Variants in LRFN4 observed in about 807,000 individuals in gnomAD.
The protein encoded by LRFN4 is leucine-rich repeat and fibronectin type-III domain-containing protein 4.
In LRFN4, 10 loss-of-function variants were observed where a neutral mutation model predicts 29.0. The observed-to-expected ratio is 0.35, with a 90% CI of 0.21 to 0.59. The LOEUF is 0.59. LRFN4 is among the 20% of genes least tolerant of loss of function. The pLI is 0.82. For missense variants in LRFN4, 850 were observed against 907.9 expected (o/e 0.94, Z 0.82); for synonymous variants, 493 against 437.0 (o/e 1.13, Z -1.60).
rs202213608 is a variant in LRFN4, at chr11:66,858,321, G to T, written c.577G>T (p.Gly193Cys). The change falls in exon 1 of 2, where the codon GGT (glycine) becomes TGT (cysteine). Residue 193 changes from glycine (G) to cysteine (C), a missense_variant. By Grantham distance (159) the Gly-to-Cys change is radical. Coordinates refer to ENST00000309602, the MANE Select transcript of LRFN4 (RefSeq NM_024036.5). This position sits in a 1 kb window ranked among gnomAD's most constrained non-coding sequence, Gnocchi z 5.9. ...GCCCCCAGGCGCCTTCGCCCAGCTC[G>T]GTCAGCTCTCCCGCCTGGACCTCAC... ...ALPPGAFAQL[G>C]QLSRLDLTSN... 2 of 1,608,066 alleles carry T rather than the reference G, an allele frequency of 1.2e-6. No homozygotes were observed. The highest frequency in any genetic ancestry group is 8.5e-7 in the Non-Finnish European group (1 of 1,178,974).
chr11:66,860,389 A>G lies in LRFN4; in HGVS notation c.*194A>G. Reference sequence around the variant, plus strand: ...CAGGGTAAGGGCAGGCCCCTCCAACAGGTGCTCACAGCCACCGAGGCAGGG... The same window carrying G: ...CAGGGTAAGGGCAGGCCCCTCCAACGGGTGCTCACAGCCACCGAGGCAGGG... On this transcript the variant is annotated 3_prime_UTR_variant, in exon 2 of 2. Transcript: ENST00000309602. 2.5e-6 allele frequency: 2 copies of G among 789,152 alleles called. No homozygotes were observed. The highest frequency in any genetic ancestry group is 1.7e-5 in the African/African-American group (1 of 58,964). The allele number at this position is 789,152 out of a possible 1,614,324, so 48.9% of individuals were successfully genotyped here.
At chr11:66,859,445 G>C (rs764969882) in intron 1 of LRFN4, among the ~76,000 whole-genome samples, 192 bp from the exon 2 acceptor site, 14 of 152,168 alleles carry the variant, frequency 9.2e-5, no homozygotes, top group Non-Finnish European at 1.9e-4. Flanking sequence ...CCCCTCGCTT[G>C]CCTGCGTCCT....
At chr11:66,859,170 TC>T in intron 1 of LRFN4, 77 bp downstream of exon 1, 1 of 1,428,194 alleles carries the variant, frequency 7.0e-7, no homozygotes, top group Non-Finnish European at 9.2e-7. Context: ...AGGCTTTGCT[TC>T]CACCCCTCCT....
rs367785957 is a variant in LRFN4 at position 66,858,671 on chromosome 11, G to T, written c.927G>T (p.Ala309=). 6.5e-7 allele frequency: 1 copy of T among 1,545,290 alleles called. No homozygotes were observed. Among genetic ancestry groups the T allele is most frequent in the Non-Finnish European group, 8.7e-7 (1 of 1,144,468 alleles). ...TLRCRALGDP[A]PTMHWVGPDD... ...GGTGCCGGGCCCTGGGTGACCCCGC[G>T]CCTACCATGCACTGGGTCGGTCCTG... Residue 309 remains alanine, a synonymous_variant, in exon 1 of 2, where the codon GCG becomes GCT. Coordinates refer to ENST00000309602, the MANE Select transcript of LRFN4 (RefSeq NM_024036.5). The surrounding 1 kb of genome is among the most constrained non-coding windows in gnomAD (Gnocchi z 5.9).
In LRFN4 at chr11:66,857,741, C is replaced by G; in HGVS notation, c.-4C>G. The G allele has an allele frequency of 6.3e-7, 1 of 1,588,956 alleles. No homozygotes were observed. Among genetic ancestry groups the G allele is most frequent in the East Asian group, 2.2e-5 (1 of 44,592 alleles). On this transcript the variant is annotated 5_prime_UTR_variant, in exon 1 of 2. Transcript: ENST00000309602. This position sits in a 1 kb window ranked among gnomAD's most constrained non-coding sequence, Gnocchi z 7.1. The stretch of plus-strand genomic sequence containing the variant: ...CTGTGGCCCCTTCCTACAGGGCGCT[C>G]ACCATGGCCCCGCCGCTCCTGCTGC...
rs144433540 is a variant in LRFN4, at chr11:66,858,305, C to A, written c.561C>A (p.Gly187=). 4.3e-6 allele frequency: 7 copies of A among 1,610,310 alleles called. No homozygotes were observed. Among genetic ancestry groups the A allele is most frequent in the Admixed American group, 3.3e-5 (2 of 59,950 alleles). The change falls in exon 1 of 2, where the codon GGC becomes GGA. Residue 187 remains glycine, a synonymous_variant. Transcript: ENST00000309602. This position sits in a 1 kb window ranked among gnomAD's most constrained non-coding sequence, Gnocchi z 5.9. ...DHNLIDALPP[G]AFAQLGQLSR... is the part of the protein sequence containing the mutation. The stretch of plus-strand genomic sequence containing the variant: ...ACCTTATTGACGCACTGCCCCCAGG[C>A]GCCTTCGCCCAGCTCGGTCAGCTCT...
At position 66,858,572 on chromosome 11, in the gene LRFN4, C is replaced by T. The variant is rs1946025913; in HGVS notation, c.828C>T (p.Phe276=). 2.0e-6 allele frequency: 3 copies of T among 1,532,534 alleles called. No individual in the cohort carries two copies. Among genetic ancestry groups the T allele is most frequent in the Non-Finnish European group, 2.6e-6 (3 of 1,143,630 alleles). The allele number at this position is 1,532,534 out of a possible 1,614,324, so 94.9% of individuals were successfully genotyped here. The change falls in exon 1 of 2, where the codon TTC becomes TTT. Residue 276 remains phenylalanine, a synonymous_variant. Transcript: ENST00000309602. This position sits in a 1 kb window ranked among gnomAD's most constrained non-coding sequence, Gnocchi z 5.9. ...TCTGGGCAGTGCCCGAGGGCGAGTTCTCCTGTGAGCCGCCCCTCATTGCCC... is the reference window on the plus strand; with the variant it reads ...TCTGGGCAGTGCCCGAGGGCGAGTTTTCCTGTGAGCCGCCCCTCATTGCCC... The part of the protein sequence containing the change: ...RYFWAVPEGE[F]SCEPPLIARH...
Position 66,860,151 on chromosome 11 carries a change from G to C in LRFN4, c.1864G>C (p.Gly622Arg), listed in dbSNP as rs890285871. ...GGGGCTGCTCGGGGCAGGGTGCCGG[G>C]GGGTAGGAGGCAGCGCCGAGCGGCT... Reference protein sequence around the residue: ...HGGLLGAGCRGVGGSAERLEE... With the variant: ...HGGLLGAGCRRVGGSAERLEE... The change falls in exon 2 of 2, where the codon GGG becomes CGG. Residue 622 changes from glycine (G) to arginine (R), a missense_variant. Gly to Arg is a moderately radical substitution (Grantham distance 125). Transcript: ENST00000309602. The C allele has an allele frequency of 2.6e-6, 4 of 1,549,146 alleles. No individual in the cohort carries two copies. Among genetic ancestry groups the C allele is most frequent in the South Asian group, 2.4e-5 (2 of 84,206 alleles).
rs1288844658 is a variant in LRFN4 at position 66,858,154 on chromosome 11, C to G, written c.410C>G (p.Pro137Arg). 2 of 1,610,656 alleles carry G rather than the reference C, an allele frequency of 1.2e-6. No homozygotes were observed. The highest frequency in any genetic ancestry group is 1.1e-5 in the South Asian group (1 of 91,032). Residue 137 changes from proline (P) to arginine (R), a missense_variant, in exon 1 of 2, where the codon CCG (proline) becomes CGG (arginine). Pro to Arg is a moderately radical substitution (Grantham distance 103). Transcript: ENST00000309602. This position sits in a 1 kb window ranked among gnomAD's most constrained non-coding sequence, Gnocchi z 5.9. ...LSGNQLGRIA[P>R]GAFDDFLESL... is the part of the protein sequence containing the mutation. ...GGCAACCAGCTGGGCCGCATCGCGC[C>G]GGGAGCCTTCGACGACTTCCTAGAG...
rs1271797665 is a variant in LRFN4 at position 66,857,322 on chromosome 11, G to C, written c.-423G>C. On this transcript the variant is annotated 5_prime_UTR_variant, in exon 1 of 2. Coordinates refer to ENST00000309602, the MANE Select transcript of LRFN4 (RefSeq NM_024036.5). This position sits in a 1 kb window ranked among gnomAD's most constrained non-coding sequence, Gnocchi z 7.1. Reference sequence around the variant, plus strand: ...GTGAGGGGGCCGCCGGGCGCAGCGCGGGGGCCGGCCAGGGAGGGGCCACGG... The same window carrying C: ...GTGAGGGGGCCGCCGGGCGCAGCGCCGGGGCCGGCCAGGGAGGGGCCACGG... 2 of 152,956 alleles carry C rather than the reference G, an allele frequency of 1.3e-5. No individual in the cohort carries two copies. The highest frequency in any genetic ancestry group is 4.8e-5 in the African/African-American group (2 of 41,378). 9.5% of individuals were successfully genotyped at this position (152,956 alleles called of 1,614,324 possible). A position where few individuals can be genotyped will look rare whatever the true frequency, so the allele number is the denominator to read the frequency against.
rs1945938969 is a variant in LRFN4, at chr11:66,857,543, A to G, written c.-202A>G. 2.1e-5 allele frequency: 12 copies of G among 580,262 alleles called. No individual in the cohort carries two copies. The East Asian group carries it at 3.4e-4, about 17-fold the overall frequency. 35.9% of individuals were successfully genotyped at this position (580,262 alleles called of 1,614,324 possible). On this transcript the variant is annotated 5_prime_UTR_variant, in exon 1 of 2. An upstream start codon of the reference 5' UTR is lost. Transcript: ENST00000309602. This position sits in a 1 kb window ranked among gnomAD's most constrained non-coding sequence, Gnocchi z 7.1. ...GGACTCCCCCTTAACTGCTTGGGAA[A>G]TGTGACCTTTGCTCTGGGGGGCCTG...
At position 66,858,122 on chromosome 11, in the gene LRFN4, C is replaced by T. The variant is rs539277004; in HGVS notation, c.378C>T (p.Ile126=). Residue 126 remains isoleucine, a synonymous_variant, in exon 1 of 2, where the codon ATC becomes ATT. Coordinates refer to ENST00000309602, the MANE Select transcript of LRFN4 (RefSeq NM_024036.5). The surrounding 1 kb of genome is among the most constrained non-coding windows in gnomAD (Gnocchi z 5.9). ...LRGPVNLQHL[I]LSGNQLGRIA... ...GCCCCGTCAATCTGCAGCACCTCAT[C>T]CTCAGCGGCAACCAGCTGGGCCGCA... The T allele has an allele frequency of 1.8e-5, 29 of 1,610,766 alleles. No individual in the cohort carries two copies. The South Asian group carries it at 2.9e-4, about 16-fold the overall frequency.
At position 66,857,669 on chromosome 11, in the gene LRFN4, G is replaced by A; in HGVS notation, c.-76G>A. On this transcript the variant is annotated 5_prime_UTR_variant, in exon 1 of 2. Coordinates refer to ENST00000309602, the MANE Select transcript of LRFN4 (RefSeq NM_024036.5). This position sits in a 1 kb window ranked among gnomAD's most constrained non-coding sequence, Gnocchi z 7.1. ...CTCACAGAAGCTGGCTTCTGGGACT[G>A]TCCTGGGCCCAAGTGGGCACCTGCG... 2.0e-6 allele frequency: 3 copies of A among 1,479,342 alleles called. No individual in the cohort carries two copies. Among genetic ancestry groups the A allele is most frequent in the East Asian group, 2.4e-5 (1 of 42,158 alleles). 91.6% of individuals were successfully genotyped at this position (1,479,342 alleles called of 1,614,324 possible). A position where few individuals can be genotyped will look rare whatever the true frequency, so the allele number is the denominator to read the frequency against.
rs893634067 is a variant in LRFN4, at chr11:66,858,388, C to T, written c.644C>T (p.Ser215Phe). The stretch of plus-strand genomic sequence containing the variant: ...ACGCTGGCTCCGGACCCGCTTTTCT[C>T]TCGTGGGCGTGATGCAGAGGCCTCT... ...LATLAPDPLF[S>F]RGRDAEASPA... Residue 215 changes from serine to phenylalanine, a missense_variant, in exon 1 of 2, where the codon TCT (serine) becomes TTT (phenylalanine). This residue lies in a region of LRFN4 where 744 missense variants were observed against 753.8 expected (regional missense o/e 0.99). Coordinates refer to ENST00000309602, the MANE Select transcript of LRFN4 (RefSeq NM_024036.5). This position sits in a 1 kb window ranked among gnomAD's most constrained non-coding sequence, Gnocchi z 5.9. 14 of 1,568,932 alleles carry T rather than the reference C, an allele frequency of 8.9e-6. No homozygotes were observed. The highest frequency in any genetic ancestry group is 1.1e-5 in the Non-Finnish European group (13 of 1,162,616).
chr11:66,859,747 C>T lies in LRFN4; in HGVS notation c.1460C>T (p.Thr487Met), dbSNP rs149781539. Reference protein sequence around the residue: ...LSPAAGPSDLTATRLLGCAHF... With the variant: ...LSPAAGPSDLMATRLLGCAHF... Reference sequence around the variant, plus strand: ...CCGGCCGCTGGGCCCTCTGACCTCACGGCCACCAGGCTGCTGGGCTGTGCC... The same window carrying T: ...CCGGCCGCTGGGCCCTCTGACCTCATGGCCACCAGGCTGCTGGGCTGTGCC... The change falls in exon 2 of 2, where the codon ACG (threonine) becomes ATG (methionine). Residue 487 changes from threonine (T) to methionine (M), a missense_variant. Coordinates refer to ENST00000309602, the MANE Select transcript of LRFN4 (RefSeq NM_024036.5). 3.2e-5 allele frequency: 52 copies of T among 1,609,126 alleles called. No individual in the cohort carries two copies. Among genetic ancestry groups the T allele is most frequent in the Admixed American group, 2.2e-4 (13 of 59,552 alleles).
Position 66,858,179 on chromosome 11 carries a change from G to T in LRFN4, c.435G>T (p.Glu145Asp), listed in dbSNP as rs1419024400. 2.5e-6 allele frequency: 4 copies of T among 1,611,578 alleles called. No individual in the cohort carries two copies. The highest frequency in any genetic ancestry group is 1.7e-5 in the Admixed American group (1 of 59,988). Reference sequence around the variant, plus strand: ...CGGGAGCCTTCGACGACTTCCTAGAGAGCCTGGAGGACCTGGACCTGTCCT... The same window carrying T: ...CGGGAGCCTTCGACGACTTCCTAGATAGCCTGGAGGACCTGGACCTGTCCT... ...IAPGAFDDFL[E>D]SLEDLDLSYN... The change falls in exon 1 of 2, where the codon GAG becomes GAT. Residue 145 changes from glutamate to aspartate, a missense_variant. By Grantham distance (45) the Glu-to-Asp change is conservative. Transcript: ENST00000309602. This position sits in a 1 kb window ranked among gnomAD's most constrained non-coding sequence, Gnocchi z 5.9.
chr11:66,858,837 G>C lies in LRFN4; in HGVS notation c.1093G>C (p.Glu365Gln). ...NPAGEATARVELRVLALPHGG... is the reference protein window; with the variant it reads ...NPAGEATARVQLRVLALPHGG... ...TGCTGGTGAGGCCACAGCCCGAGTAGAACTGCGGGTGCTGGCCTTGCCCCA... is the reference window on the plus strand; with the variant it reads ...TGCTGGTGAGGCCACAGCCCGAGTACAACTGCGGGTGCTGGCCTTGCCCCA... Residue 365 changes from glutamate to glutamine, a missense_variant, in exon 1 of 2, where the codon GAA becomes CAA. This residue lies in a region of LRFN4 where 744 missense variants were observed against 753.8 expected (regional missense o/e 0.99). Coordinates refer to ENST00000309602, the MANE Select transcript of LRFN4 (RefSeq NM_024036.5). The surrounding 1 kb of genome is among the most constrained non-coding windows in gnomAD (Gnocchi z 5.9). The C allele has an allele frequency of 2.6e-6, 4 of 1,551,880 alleles. No individual in the cohort carries two copies. The highest frequency in any genetic ancestry group is 3.5e-6 in the Non-Finnish European group (4 of 1,149,156).
chr11:66,859,545 A>C, intron 1 of LRFN4, 92 bp from the exon 2 acceptor site: 1 of 1,565,540 alleles, frequency 6.4e-7, no homozygotes, highest in Non-Finnish European at 8.6e-7. Context: ...CCCCAGGGGG[A>C]GGGGTGTTTG....
At position 66,858,489 on chromosome 11, in the gene LRFN4, G is replaced by A. The variant is rs777097562; in HGVS notation, c.745G>A (p.Ala249Thr). ...NCELLWLRRL[A>T]RPDDLETCAS... ...TGAGCTGCTGTGGCTGCGGCGGCTG[G>A]CGCGGCCGGACGACCTGGAAACGTG... The change falls in exon 1 of 2, where the codon GCG becomes ACG. Residue 249 changes from alanine to threonine, a missense_variant. Physicochemically the swap from Ala to Thr is moderately conservative, Grantham distance 58. Around this residue, in one of 2 missense-constraint regions of LRFN4, gnomAD observed 744 missense variants for 753.8 expected, o/e 0.99. Coordinates refer to ENST00000309602, the MANE Select transcript of LRFN4 (RefSeq NM_024036.5). The surrounding 1 kb of genome is among the most constrained non-coding windows in gnomAD (Gnocchi z 5.9). 2 of 1,539,436 alleles carry A rather than the reference G, an allele frequency of 1.3e-6. No homozygotes were observed. Among genetic ancestry groups the A allele is most frequent in the Non-Finnish European group, 1.7e-6 (2 of 1,148,834 alleles).
Sources: gnomAD v4.1 joint callset for allele counts (sites outside exome capture counted in the v4.1 genomes callset) on GRCh38, gnomAD v4.1.1 for gene constraint, gnomAD v4.1.1 regional missense constraint, Gnocchi (gnomAD v3.1) non-coding constraint, MANE v1.5 for transcripts, NCBI Gene and HGNC (gene_info 2026-07-23, HGNC 2026-07-21) for gene names.